The following OPCML variants were observed in gnomAD, a reference collection of about 807,000 sequenced individuals.
The protein encoded by OPCML is opioid binding protein/cell adhesion molecule like, also known as opioid-binding protein/cell adhesion molecule.
A neutral mutation model predicts 37.8 loss-of-function variants in OPCML; 13 were observed. The observed-to-expected ratio is 0.34, with a 90% CI of 0.22 to 0.55. The LOEUF (loss-of-function observed/expected upper bound fraction) is 0.55. OPCML is among the 20% of genes least tolerant of loss of function. OPCML has a pLI of 0.91. For missense variants in OPCML, 341 were observed against 435.6 expected (o/e 0.78, Z 1.93); for synonymous variants, 176 against 168.8 (o/e 1.04, Z -0.33).
intron 3 of OPCML, among the ~76,000 whole-genome samples, chr11:132,629,584 T>A (rs1939969151): frequency 6.6e-6 from 1 of 152,204 alleles, no homozygotes; most frequent in Non-Finnish European, 1.5e-5. Flanking sequence ...CTGTCTTTTA[T>A]TATGCCAATA....
In OPCML at chr11:133,307,670, T is replaced by C. The variant is rs531324376; in HGVS notation, c.61+224594A>G. On this transcript the variant is annotated intron_variant, in intron 1 of 7. Coordinates refer to ENST00000524381, the MANE Select transcript of OPCML (RefSeq NM_001012393.5). ...CAAGAGCAACAGCAGCAACTTAGGT[T>C]TTAGATGTTCTTATCAAGTAGCAAA... Among the ~76,000 whole-genome samples, 3 of 152,216 alleles carry C rather than the reference T, an allele frequency of 2.0e-5. No individual in the cohort carries two copies. The South Asian group carries it at 6.2e-4, about 32-fold the overall frequency.
chr11:133,131,107 C>CA (rs1281497332), intron 1 of OPCML, among the ~76,000 whole-genome samples: 3 of 152,088 alleles, frequency 2.0e-5, no homozygotes, highest in Non-Finnish European at 4.4e-5. Flanking sequence ...TTGTACCTCC[C>CA]ACCATGCAAG....
intron 2 of OPCML, among the ~76,000 whole-genome samples, chr11:132,852,904 TAA>T (rs200422398): frequency 8.0e-5 from 11 of 137,974 alleles, no homozygotes; most frequent in Non-Finnish European, 7.9e-5. Flanking sequence ...AAAAGGTTGT[TAA>T]AAAAAAAAAA....
chr11:133,293,922 A>G (rs1172050862), intron 1 of OPCML, among the ~76,000 whole-genome samples: 1 of 151,918 alleles, frequency 6.6e-6, no homozygotes, highest in African/African-American at 2.4e-5. Context: ...ACACACACAC[A>G]CACACACACA....
At chr11:133,305,256 G>C (rs573425587) in intron 1 of OPCML, among the ~76,000 whole-genome samples, 2 of 152,158 alleles carry the variant, frequency 1.3e-5, no homozygotes, top group Non-Finnish European at 2.9e-5. Flanking sequence ...TTATTATAAG[G>C]TTCTTCAGAT....
chr11:133,028,049 T>C (rs1029491617), intron 1 of OPCML, among the ~76,000 whole-genome samples: 6 of 152,014 alleles, frequency 3.9e-5, no homozygotes, highest in Admixed American at 3.3e-4. Context: ...GGTATAAAAG[T>C]AAGGTTTGAA....
intron 3 of OPCML, among the ~76,000 whole-genome samples, chr11:132,545,818 T>G (rs754427255): frequency 6.6e-6 from 1 of 152,250 alleles, no homozygotes; most frequent in Non-Finnish European, 1.5e-5. Flanking sequence ...TTTATCTAAC[T>G]AGTGCCCTAT....
At chr11:132,958,797 T>A (rs1055044729) in intron 1 of OPCML, among the ~76,000 whole-genome samples, 1 of 146,440 alleles carries the variant, frequency 6.8e-6, no homozygotes, top group Non-Finnish European at 1.5e-5. Context: ...AGCTCACTAT[T>A]AAGACCTACT....
At chr11:133,096,872 A>T (rs567314211) in intron 1 of OPCML, among the ~76,000 whole-genome samples, 1 of 152,250 alleles carries the variant, frequency 6.6e-6, no homozygotes, top group African/African-American at 2.4e-5. Context: ...TGCACTTAAC[A>T]ACAGAGCAGC....
chr11:133,215,066 G>C (rs1939526494), intron 1 of OPCML, among the ~76,000 whole-genome samples: 1 of 152,180 alleles, frequency 6.6e-6, no homozygotes, highest in Admixed American at 6.5e-5. Context: ...AATATACCTA[G>C]TTATATCTCT....
chr11:132,584,729 T>G (rs1247234632), intron 3 of OPCML, among the ~76,000 whole-genome samples: 1 of 152,154 alleles, frequency 6.6e-6, no homozygotes, highest in African/African-American at 2.4e-5. Context: ...AGGTAACAGT[T>G]GTAAAATAAA....
At chr11:133,311,253 C>T (rs545124862) in intron 1 of OPCML, among the ~76,000 whole-genome samples, 7 of 152,304 alleles carry the variant, frequency 4.6e-5, no homozygotes, top group African/African-American at 1.7e-4. Context: ...CCTTGAAGCT[C>T]TTCTAGGGGT....
chr11:132,829,958 T>C (rs1052922785), intron 2 of OPCML, among the ~76,000 whole-genome samples: 5 of 152,194 alleles, frequency 3.3e-5, no homozygotes, highest in Admixed American at 1.3e-4. Flanking sequence ...TAACCCAGAT[T>C]TCAGCCCACA....
chr11:132,738,829 T>G (rs1945342102), intron 2 of OPCML, among the ~76,000 whole-genome samples: 1 of 152,228 alleles, frequency 6.6e-6, no homozygotes, highest in East Asian at 1.9e-4. Flanking sequence ...TGTAGTAGCA[T>G]GTGGTACCTT....
chr11:132,633,087 G>A (rs1289799991), intron 3 of OPCML, among the ~76,000 whole-genome samples: 1 of 152,146 alleles, frequency 6.6e-6, no homozygotes, highest in Non-Finnish European at 1.5e-5. Flanking sequence ...AGTCTGTCCT[G>A]CCTATAAAGG....
chr11:132,682,298 T>C (rs528817739), intron 2 of OPCML, among the ~76,000 whole-genome samples: 2 of 152,234 alleles, frequency 1.3e-5, no homozygotes, highest in African/African-American at 4.8e-5. Flanking sequence ...GCTGACAGAA[T>C]CCCTAATAAA....
chr11:133,158,958 T>C (rs752899210), intron 1 of OPCML, among the ~76,000 whole-genome samples: 9 of 152,026 alleles, frequency 5.9e-5, no homozygotes, highest in Non-Finnish European at 5.9e-5. Context: ...GTGACACCGA[T>C]GAATTGCACA....
Position 133,532,434 on chromosome 11 carries a change from C to T in OPCML, c.-110G>A. 1 of 1,335,172 alleles carries T rather than the reference C, an allele frequency of 7.5e-7. No homozygotes were observed. The highest frequency in any genetic ancestry group is 2.5e-5 in the East Asian group (1 of 39,800). The allele number at this position is 1,335,172 out of a possible 1,614,324, so 82.7% of individuals were successfully genotyped here. A position where few individuals can be genotyped will look rare whatever the true frequency, so the allele number is the denominator to read the frequency against. ...TGAGCAGGTTTAAATCCAATGTTTG[C>T]AAAGGGAGGGAGAGAGCAGAAGAGA... is the stretch of plus-strand genomic sequence containing the variant. On this transcript the variant is annotated 5_prime_UTR_variant, in exon 1 of 8. Coordinates refer to ENST00000524381, the MANE Select transcript of OPCML (RefSeq NM_001012393.5).
chr11:133,430,686 C>T (rs1174302012), intron 1 of OPCML, among the ~76,000 whole-genome samples: 1 of 152,176 alleles, frequency 6.6e-6, no homozygotes, highest in Non-Finnish European at 1.5e-5. Context: ...AATGCTGAAA[C>T]ACCAAGGGAA....
Sources: gnomAD v4.1 joint callset for allele counts (sites outside exome capture counted in the v4.1 genomes callset) on GRCh38, gnomAD v4.1.1 for gene constraint, MANE v1.5 for transcripts, NCBI Gene and HGNC (gene_info 2026-07-23, HGNC 2026-07-21) for gene names.